The following PSAP variants were observed in gnomAD, a reference collection of about 807,000 sequenced individuals.
PSAP encodes the protein prosaposin, also known as precursor of saposins.
A neutral mutation model predicts 66.0 loss-of-function variants in PSAP; 25 were observed. The ratio of observed to expected loss-of-function variants is 0.38; its 90% CI spans 0.28 to 0.53. PSAP has a LOEUF of 0.53. Among genes scored for constraint, PSAP ranks in the 20% least tolerant of loss-of-function variants. The pLI is 0.83. For synonymous variants in PSAP, 273 were observed against 258.9 expected, an observed-to-expected ratio of 1.05 and a Z score of -0.52; for missense variants, 649 against 668.8, an observed-to-expected ratio of 0.97 and a Z score of 0.33.
At chr10:71,818,029 A>T (rs1397439280) in intron 13 of PSAP, among the ~76,000 whole-genome samples, 3 of 152,240 alleles carry the variant, frequency 2.0e-5, no homozygotes, top group Non-Finnish European at 4.4e-5. Flanking sequence ...TGACATGGTC[A>T]CAGGGAAGCC....
chr10:71,819,938 G>A (rs1434344786), intron 9 of PSAP, 38 bp from the exon 10 acceptor site: 1 of 1,560,852 alleles, frequency 6.4e-7, no homozygotes, highest in South Asian at 1.1e-5. Context: ...AAGACGGGAG[G>A]CCGGACAAGG....
At chr10:71,843,947 T>C (rs1443096186) in intron 1 of PSAP, among the ~76,000 whole-genome samples, 1 of 152,236 alleles carries the variant, frequency 6.6e-6, no homozygotes, top group Non-Finnish European at 1.5e-5. Context: ...CTCAGTATAC[T>C]ACCTTTGTAA....
Position 71,831,141 on chromosome 10 carries a change from G to C in PSAP, c.360C>G (p.Ile120Met). The change falls in exon 4 of 14, where the codon ATC becomes ATG. Residue 120 changes from isoleucine to methionine, a missense_variant. Coordinates refer to ENST00000394936, the MANE Select transcript of PSAP (RefSeq NM_002778.4). ...CATCACTTACCATTTCTCCTTTAATGATGTCCAGGATGACAGGGAGGTAGG... is the reference window on the plus strand; with the variant it reads ...CATCACTTACCATTTCTCCTTTAATCATGTCCAGGATGACAGGGAGGTAGG... ...VDSYLPVILD[I>M]IKGEMSRPGE... 1 of 1,614,050 alleles carries C rather than the reference G, an allele frequency of 6.2e-7. No homozygotes were observed. The highest frequency in any genetic ancestry group is 8.5e-7 in the Non-Finnish European group (1 of 1,179,984).
intron 2 of PSAP, 87 bp downstream of exon 2, chr10:71,834,285 C>T (rs1842578356): frequency 3.1e-6 from 5 of 1,596,296 alleles, no homozygotes; most frequent in Admixed American, 1.7e-5. Context: ...AGAAAAAGTG[C>T]TCTGTCAATA....
chr10:71,824,331 G>GGGGGTAAGGGATCCCTGA (rs1468249997), intron 7 of PSAP, among the ~76,000 whole-genome samples: 1 of 152,204 alleles, frequency 6.6e-6, no homozygotes, highest in Non-Finnish European at 1.5e-5. Flanking sequence ...CCCAAGTAAG[G>GGGGGTAAGGGATCCCTGA]GGGGTAAGGG....
At chr10:71,828,814 C>T (rs991273683) in intron 5 of PSAP, 63 bp downstream of exon 5, 2 of 1,581,182 alleles carry the variant, frequency 1.3e-6, no homozygotes, top group Non-Finnish European at 8.7e-7. Context: ...CTCTCTGTCC[C>T]TTTGGTCTCT....
At position 71,820,388 on chromosome 10, in the gene PSAP, G is replaced by T; in HGVS notation, c.910-53C>A. 3 of 1,487,216 alleles carry T rather than the reference G, an allele frequency of 2.0e-6. No individual in the cohort carries two copies. The South Asian group carries it at 3.4e-5, about 17-fold the overall frequency. The allele number at this position is 1,487,216 out of a possible 1,614,324, so 92.1% of individuals were successfully genotyped here. ...TTCAATGCTGGGACTCACAGCCCTT[G>T]GTCTTGCTCCCCTAAAGGAAAGGGG... On this transcript the variant is annotated intron_variant, in intron 8 of 13. Transcript: ENST00000394936.
intron 1 of PSAP, among the ~76,000 whole-genome samples, chr10:71,846,275 T>C (rs1231553318): frequency 6.6e-6 from 1 of 152,136 alleles, no homozygotes; most frequent in Non-Finnish European, 1.5e-5. Flanking sequence ...CACTCCACAT[T>C]ATCATCTTGT....
chr10:71,849,548 C>G (rs1016647476), intron 1 of PSAP, among the ~76,000 whole-genome samples: 1 of 152,068 alleles, frequency 6.6e-6, no homozygotes, highest in Non-Finnish European at 1.5e-5. Context: ...TTGCAGTTAG[C>G]CGAGACTACG....
chr10:71,829,016 G>T lies in PSAP; in HGVS notation c.437C>A (p.Ala146Glu). 1 of 1,614,120 alleles carries T rather than the reference G, an allele frequency of 6.2e-7. No individual in the cohort carries two copies. The highest frequency in any genetic ancestry group is 1.6e-4 in the Middle Eastern group (1 of 6,062). Residue 146 changes from alanine to glutamate, a missense_variant, in exon 5 of 14, where the codon GCA becomes GAA. Coordinates refer to ENST00000394936, the MANE Select transcript of PSAP (RefSeq NM_002778.4). Reference sequence around the variant, plus strand: ...CAGCTGCTTCTGGTGATTCAGCTCTGCTAGGTGCTTCTGGAGAGACTCGCA... The same window carrying T: ...CAGCTGCTTCTGGTGATTCAGCTCTTCTAGGTGCTTCTGGAGAGACTCGCA... ...NLCESLQKHLAELNHQKQLES... is the reference protein window; with the variant it reads ...NLCESLQKHLEELNHQKQLES...
chr10:71,818,977 C>T, intron 12 of PSAP, 54 bp downstream of exon 12: 2 of 1,522,190 alleles, frequency 1.3e-6, no homozygotes, highest in Non-Finnish European at 1.8e-6. Context: ...CGGGTCTCTG[C>T]AGCCCCCCAG....
chr10:71,843,652 C>G (rs1184085567), intron 1 of PSAP, among the ~76,000 whole-genome samples: 1 of 152,114 alleles, frequency 6.6e-6, no homozygotes, highest in East Asian at 1.9e-4. Context: ...TATTAGACGT[C>G]GATGTCCATC....
At chr10:71,841,991 G>A (rs989301464) in intron 1 of PSAP, among the ~76,000 whole-genome samples, 1 of 149,850 alleles carries the variant, frequency 6.7e-6, no homozygotes, top group Non-Finnish European at 1.5e-5. Flanking sequence ...GGGTGACAGA[G>A]TGAGACTCCG....
rs779550915 is a variant in PSAP at position 71,816,432 on chromosome 10, C to T, written c.*1009G>A. The T allele has an allele frequency of 1.1e-5, 5 of 471,220 alleles. No individual in the cohort carries two copies. Among genetic ancestry groups the T allele is most frequent in the South Asian group, 6.2e-5 (4 of 64,574 alleles). 29.2% of individuals were successfully genotyped at this position (471,220 alleles called of 1,614,324 possible). On this transcript the variant is annotated 3_prime_UTR_variant, in exon 14 of 14. Coordinates refer to ENST00000394936, the MANE Select transcript of PSAP (RefSeq NM_002778.4). ...CCTGGCAACCAGAAGTGGACAGAAGCGTGGGTGCCCAAGTGGGCCACAGAC... is the reference window on the plus strand; with the variant it reads ...CCTGGCAACCAGAAGTGGACAGAAGTGTGGGTGCCCAAGTGGGCCACAGAC...
rs55829339 is a variant in PSAP at position 71,820,222 on chromosome 10, G to A, written c.1005+18C>T. ...GGGGGGCAGGAGAGGCCCTCCCTCTGCCAGGAGGACAGCATACCTCAGTCT... is the reference window on the plus strand; with the variant it reads ...GGGGGGCAGGAGAGGCCCTCCCTCTACCAGGAGGACAGCATACCTCAGTCT... On this transcript the variant is annotated intron_variant, in intron 9 of 13. Coordinates refer to ENST00000394936, the MANE Select transcript of PSAP (RefSeq NM_002778.4). 0.11 allele frequency: 181,100 copies of A among 1,599,214 alleles called. 13,966 individuals are homozygous for A. Among genetic ancestry groups the A allele is most frequent in the East Asian group, 0.39 (17,306 of 44,778 alleles).
At position 71,828,110 on chromosome 10, in the gene PSAP, G is replaced by C; in HGVS notation, c.624C>G (p.Ile208Met). ...TGGAGTTGGTCCGTACAGCAGTCTGGATGTCAGTCACCATCTGAATGCAGT... is the reference window on the plus strand; with the variant it reads ...TGGAGTTGGTCCGTACAGCAGTCTGCATGTCAGTCACCATCTGAATGCAGT... Reference protein sequence around the residue: ...CQDCIQMVTDIQTAVRTNSTF... With the variant: ...CQDCIQMVTDMQTAVRTNSTF... Residue 208 changes from isoleucine (I) to methionine (M), a missense_variant, in exon 6 of 14, where the codon ATC becomes ATG. By Grantham distance (10) the Ile-to-Met change is conservative (BLOSUM62 1). Coordinates refer to ENST00000394936, the MANE Select transcript of PSAP (RefSeq NM_002778.4). The C allele has an allele frequency of 6.2e-7, 1 of 1,614,176 alleles. No homozygotes were observed. Among genetic ancestry groups the C allele is most frequent in the Non-Finnish European group, 8.5e-7 (1 of 1,180,030 alleles).
chr10:71,850,909 G>A (rs373428268), intron 1 of PSAP, among the ~76,000 whole-genome samples: 1 of 152,206 alleles, frequency 6.6e-6, no homozygotes, highest in South Asian at 2.1e-4. Flanking sequence ...AGGCCTCGGG[G>A]CCCCAGCCGC....
chr10:71,824,612 G>A (rs960131958), intron 7 of PSAP, among the ~76,000 whole-genome samples: 3 of 152,182 alleles, frequency 2.0e-5, no homozygotes, highest in Non-Finnish European at 2.9e-5. Context: ...ATGTACACAG[G>A]TGATTATTCT....
intron 1 of PSAP, among the ~76,000 whole-genome samples, chr10:71,835,107 T>A (rs1163151368): frequency 6.6e-6 from 1 of 151,510 alleles, no homozygotes; most frequent in Non-Finnish European, 1.5e-5. Flanking sequence ...CCAGGTGTGG[T>A]GGCGGGCGCC....
Sources: gnomAD v4.1 joint callset for allele counts (sites outside exome capture counted in the v4.1 genomes callset) on GRCh38, gnomAD v4.1.1 for gene constraint, MANE v1.5 for transcripts, NCBI Gene and HGNC (gene_info 2026-07-23, HGNC 2026-07-21) for gene names.